Variants in B3GALT1 observed in about 807,000 individuals in gnomAD.
The protein encoded by B3GALT1 is beta-1,3-galactosyltransferase 1.
In B3GALT1, 10 loss-of-function variants were observed where a neutral mutation model predicts 23.2. That is an observed-to-expected ratio of 0.43 (90% CI 0.27 to 0.73). B3GALT1 has a LOEUF of 0.73. Among genes scored for constraint, B3GALT1 ranks in the 30% least tolerant of loss-of-function variants. B3GALT1 has a pLI of 0.21. For missense variants in B3GALT1, 299 were observed against 405.4 expected (o/e 0.74, Z 2.25); for synonymous variants, 156 against 141.5 (o/e 1.10, Z -0.73).
intron 3 of B3GALT1, among the ~76,000 whole-genome samples, chr2:167,735,387 C>T (rs955938596): frequency 3.9e-5 from 6 of 152,218 alleles, no homozygotes; most frequent in African/African-American, 1.4e-4. Context: ...TGTTTAGAGA[C>T]CTCCTGCTTC....
intron 1 of B3GALT1, among the ~76,000 whole-genome samples, chr2:167,420,028 T>C (rs1013836671): frequency 6.6e-6 from 1 of 152,200 alleles, no homozygotes; most frequent in African/African-American, 2.4e-5. Context: ...CTTATAAGAT[T>C]AGTCCAGCAA....
At chr2:167,629,170 A>C (rs568691693) in intron 2 of B3GALT1, among the ~76,000 whole-genome samples, 1 of 151,682 alleles carries the variant, frequency 6.6e-6, no homozygotes, top group African/African-American at 2.4e-5. Context: ...ACAATATTGA[A>C]TATCAGCATA....
intron 2 of B3GALT1, among the ~76,000 whole-genome samples, chr2:167,624,825 C>T (rs751654167): frequency 3.3e-5 from 5 of 151,962 alleles, no homozygotes; most frequent in Non-Finnish European, 7.4e-5. Flanking sequence ...GAAGAATGCT[C>T]ATGAGGAGCA....
chr2:167,530,062 C>T (rs1683298331), intron 2 of B3GALT1, among the ~76,000 whole-genome samples: 2 of 152,154 alleles, frequency 1.3e-5, no homozygotes, highest in Admixed American at 1.3e-4. Flanking sequence ...TCCTACAAAT[C>T]TCCCTGTACC....
intron 3 of B3GALT1, among the ~76,000 whole-genome samples, chr2:167,783,375 G>T (rs1688280751): frequency 6.6e-6 from 1 of 152,082 alleles, no homozygotes; most frequent in Non-Finnish European, 1.5e-5. Context: ...GAGAGTCCAT[G>T]CAATTATTAT....
chr2:167,764,632 A>T (rs1456534498), intron 3 of B3GALT1, among the ~76,000 whole-genome samples: 1 of 152,230 alleles, frequency 6.6e-6, no homozygotes, highest in Non-Finnish European at 1.5e-5. Context: ...TTATATTTCT[A>T]GATAAATGCA....
At chr2:167,505,703 G>A (rs1699907873) in intron 2 of B3GALT1, among the ~76,000 whole-genome samples, 1 of 151,878 alleles carries the variant, frequency 6.6e-6, no homozygotes, top group South Asian at 2.1e-4. Context: ...ATCCAAGTGG[G>A]AAAAAAATAA....
At chr2:167,800,076 A>T (rs1475660673) in intron 3 of B3GALT1, among the ~76,000 whole-genome samples, 1 of 152,226 alleles carries the variant, frequency 6.6e-6, no homozygotes, top group Admixed American at 6.5e-5. Context: ...CTAAAATAGG[A>T]CCTGACATGA....
At chr2:167,616,391 C>T (rs1685162985) in intron 2 of B3GALT1, among the ~76,000 whole-genome samples, 1 of 151,902 alleles carries the variant, frequency 6.6e-6, no homozygotes, top group African/African-American at 2.4e-5. Context: ...ACATCTGTGT[C>T]TCTGTAGGAA....
chr2:167,831,476 G>A lies in B3GALT1; in HGVS notation c.-230+12683G>A, dbSNP rs61193218. On this transcript the variant is annotated intron_variant, in intron 4 of 4. Transcript: ENST00000392690. ...AACCACCTGGGTTCTTTCAGAATGG[G>A]CAGGTATGTTCTTAAAATGGCCAAA... Among the ~76,000 whole-genome samples, 1,063 of 152,272 alleles carry A rather than the reference G, an allele frequency of 7.0e-3. 17 individuals are homozygous for A. Among genetic ancestry groups the A allele is most frequent in the African/African-American group, 0.024 (1,003 of 41,540 alleles).
intron 2 of B3GALT1, among the ~76,000 whole-genome samples, chr2:167,640,121 G>A (rs1453117467): frequency 6.6e-6 from 1 of 152,100 alleles, no homozygotes. Flanking sequence ...GCAGTATGTT[G>A]TGAGATGTGC....
chr2:167,512,148 A>C (rs1305823287), intron 2 of B3GALT1, among the ~76,000 whole-genome samples: 50 of 152,132 alleles, frequency 3.3e-4, no homozygotes, highest in Admixed American at 3.3e-3. Context: ...ATTTGAAGTA[A>C]ATGTAATATT....
chr2:167,322,306 AAAAAT>A lies in B3GALT1; in HGVS notation c.-511+28974_-511+28978del, dbSNP rs1019699525. 1.6e-4 allele frequency among the ~76,000 whole-genome samples: 24 copies of A among 151,944 alleles called. No homozygotes were observed. The South Asian group carries it at 2.9e-3, about 18-fold the overall frequency. On this transcript the variant is annotated intron_variant, in intron 1 of 4. Transcript: ENST00000392690. ...ATTTAATAGTTGAGTTTCTGAAAAA[AAAAAT>A]AGACCAGTATCAAAAATGGGATTCA...
intron 1 of B3GALT1, among the ~76,000 whole-genome samples, chr2:167,328,720 T>G (rs1408279873): frequency 3.9e-5 from 6 of 152,148 alleles, no homozygotes; most frequent in Non-Finnish European, 8.8e-5. Context: ...CTGATCTTCA[T>G]TATTTATTTC....
intron 4 of B3GALT1, among the ~76,000 whole-genome samples, chr2:167,847,428 A>G (rs1003565752): frequency 1.3e-5 from 2 of 152,220 alleles, no homozygotes; most frequent in Non-Finnish European, 2.9e-5. Context: ...ATCAACTCCA[A>G]AAGGAACCTT....
intron 3 of B3GALT1, among the ~76,000 whole-genome samples, chr2:167,690,154 C>T (rs951848056): frequency 1.2e-4 from 18 of 151,116 alleles, no homozygotes; most frequent in African/African-American, 2.4e-4. Context: ...TGATTTATTA[C>T]GAGAGAAAAA....
chr2:167,676,516 T>C lies in B3GALT1; in HGVS notation c.-352+29550T>C, dbSNP rs968310932. Among the ~76,000 whole-genome samples, 9 of 145,184 alleles carry C rather than the reference T, an allele frequency of 6.2e-5. No individual in the cohort carries two copies. In the South Asian group the frequency reaches 6.8e-4, roughly 11 times the overall value. On this transcript the variant is annotated intron_variant, in intron 3 of 4. Coordinates refer to ENST00000392690, the MANE Select transcript of B3GALT1 (RefSeq NM_020981.4). The stretch of plus-strand genomic sequence containing the variant: ...ACACATGCACACACGTGTATGTTTA[T>C]ACACACACACACACACACACACACA...
chr2:167,821,133 C>G (rs1033264448), intron 4 of B3GALT1, among the ~76,000 whole-genome samples: 7 of 152,136 alleles, frequency 4.6e-5, no homozygotes, highest in African/African-American at 1.7e-4. Context: ...ATAGCTGAGG[C>G]TTGGGATGGG....
intron 3 of B3GALT1, among the ~76,000 whole-genome samples, chr2:167,768,664 TGTAAA>T (rs1485486311): frequency 2.0e-5 from 3 of 152,180 alleles, no homozygotes; most frequent in African/African-American, 7.2e-5. Flanking sequence ...ATTCCCACTG[TGTAAA>T]GTAGAGATTT....
Sources: allele counts gnomAD v4.1 joint callset (sites outside exome capture counted in the v4.1 genomes callset), GRCh38; gene constraint gnomAD v4.1.1; transcripts MANE v1.5; gene names NCBI Gene and HGNC (gene_info 2026-07-23, HGNC 2026-07-21).